Variants in DSCAML1 observed in about 807,000 individuals in gnomAD.
DSCAML1 encodes cell adhesion molecule DSCAML1.
In DSCAML1, 38 loss-of-function variants were observed where a neutral mutation model predicts 200.5. That is an observed-to-expected ratio of 0.19 (90% CI 0.15 to 0.25). The LOEUF is 0.25. Ranked by LOEUF, DSCAML1 falls within the 10% of genes least tolerant of loss-of-function variation. The pLI is 1.00. For missense variants in DSCAML1, 2,223 were observed against 2,858.8 expected (o/e 0.78, Z 5.07); for synonymous variants, 1,215 against 1,165.0 (o/e 1.04, Z -0.87).
chr11:117,493,096 G>C (rs2137251740), intron 11 of DSCAML1, among the ~76,000 whole-genome samples: 1 of 152,282 alleles, frequency 6.6e-6, no homozygotes, highest in East Asian at 1.9e-4. Context: ...AGGGGTAGGG[G>C]TGAGGGTCAC....
rs996608295 is a variant in DSCAML1, at chr11:117,654,726, C to T, written c.511+122065G>A. 2.0e-5 allele frequency among the ~76,000 whole-genome samples: 3 copies of T among 152,166 alleles called. No homozygotes were observed. In the East Asian group the frequency reaches 5.8e-4, roughly 29 times the overall value. On this transcript the variant is annotated intron_variant, in intron 3 of 32. Transcript: ENST00000651296. ...TTGGAAGAGACCTAAGAGATCAATC[C>T]AGAACACAGCTAGGACGGCCTTGTT...
intron 3 of DSCAML1, among the ~76,000 whole-genome samples, chr11:117,706,691 T>C (rs2053763807): frequency 6.6e-6 from 1 of 152,218 alleles, no homozygotes; most frequent in African/African-American, 2.4e-5. Context: ...CGTCTAGCCC[T>C]TCTTCTGCCA....
chr11:117,554,883 G>C (rs900905951), intron 3 of DSCAML1, among the ~76,000 whole-genome samples: 1 of 152,206 alleles, frequency 6.6e-6, no homozygotes, highest in African/African-American at 2.4e-5. Flanking sequence ...CTGTTGTGGA[G>C]GGTTTTCGTT....
rs142909664 is a variant in DSCAML1 at position 117,691,334 on chromosome 11, G to A, written c.511+85457C>T. Among the ~76,000 whole-genome samples, 58 of 152,260 alleles carry A rather than the reference G, an allele frequency of 3.8e-4. No homozygotes were observed. In the East Asian group the frequency reaches 9.9e-3, roughly 26 times the overall value. On this transcript the variant is annotated intron_variant, in intron 3 of 32. Coordinates refer to ENST00000651296, the MANE Select transcript of DSCAML1 (RefSeq NM_020693.4). ...CTTTCTGCCTTTGGGGACCCGCCCA[G>A]TCTGTAAGTGCTACCTAGCCCTCTG...
At chr11:117,590,589 C>T (rs1481064464) in intron 3 of DSCAML1, among the ~76,000 whole-genome samples, 1 of 152,204 alleles carries the variant, frequency 6.6e-6, no homozygotes, top group East Asian at 1.9e-4. Context: ...CATTCCTGCT[C>T]AGAGCCAGGT....
At chr11:117,773,967 C>G (rs901926434) in intron 3 of DSCAML1, among the ~76,000 whole-genome samples, 1 of 152,194 alleles carries the variant, frequency 6.6e-6, no homozygotes, top group South Asian at 2.1e-4. Flanking sequence ...GATAATTATG[C>G]CCTATGGGGC....
Position 117,780,382 on chromosome 11 carries a change from A to G in DSCAML1, c.364+111T>C. 1.0e-6 allele frequency: 1 copy of G among 974,144 alleles called. No homozygotes were observed. The highest frequency in any genetic ancestry group is 1.4e-6 in the Non-Finnish European group (1 of 713,810). 60.3% of individuals were successfully genotyped at this position (974,144 alleles called of 1,614,324 possible). The stretch of plus-strand genomic sequence containing the variant: ...GTACAACAAAGATTCAAAAGAGAAC[A>G]ACAAAACTGTTCTTGAGTGAACGAC... On this transcript the variant is annotated intron_variant, in intron 2 of 32. Transcript: ENST00000651296. The surrounding 1 kb of genome is among the most constrained non-coding windows in gnomAD (Gnocchi z 4.8).
intron 3 of DSCAML1, among the ~76,000 whole-genome samples, chr11:117,626,211 C>G (rs912563035): frequency 9.3e-3 from 269 of 29,050 alleles, no homozygotes; most frequent in Admixed American, 0.029. Flanking sequence ...CCCCCCCCCT[C>G]CTTCTTCTGG....
chr11:117,455,746 G>A (rs2048356955), intron 19 of DSCAML1, among the ~76,000 whole-genome samples: 1 of 152,196 alleles, frequency 6.6e-6, no homozygotes, highest in Admixed American at 6.5e-5. Context: ...CCATACCAGG[G>A]CTGGACTTGG....
chr11:117,447,791 G>C (rs1052771428), intron 20 of DSCAML1, among the ~76,000 whole-genome samples: 1 of 152,166 alleles, frequency 6.6e-6, no homozygotes, highest in Non-Finnish European at 1.5e-5. Context: ...CCAGGCTCAT[G>C]CCACAGTTTT....
chr11:117,492,761 G>C (rs968220725), intron 11 of DSCAML1, among the ~76,000 whole-genome samples: 3 of 152,218 alleles, frequency 2.0e-5, no homozygotes, highest in Non-Finnish European at 4.4e-5. Context: ...AGCCTTCGAC[G>C]GCAGCGGCAT....
At chr11:117,725,930 C>A (rs1235862400) in intron 3 of DSCAML1, among the ~76,000 whole-genome samples, 1 of 152,230 alleles carries the variant, frequency 6.6e-6, no homozygotes, top group East Asian at 1.9e-4. Flanking sequence ...CCCCTGCAGC[C>A]TCTCCAGCTG....
chr11:117,616,082 CAG>C (rs2051805686), intron 3 of DSCAML1, among the ~76,000 whole-genome samples: 3 of 152,182 alleles, frequency 2.0e-5, no homozygotes, highest in Admixed American at 2.0e-4. Flanking sequence ...CTGTAATTGA[CAG>C]AGTCACAAAG....
At chr11:117,541,400 A>T (rs1356348153) in intron 3 of DSCAML1, among the ~76,000 whole-genome samples, 1 of 152,216 alleles carries the variant, frequency 6.6e-6, no homozygotes, top group African/African-American at 2.4e-5. Context: ...CACACAGCAG[A>T]TGCTCAGTGA....
intron 3 of DSCAML1, among the ~76,000 whole-genome samples, chr11:117,718,416 T>C (rs1016277103): frequency 6.6e-6 from 1 of 152,212 alleles, no homozygotes; most frequent in Non-Finnish European, 1.5e-5. Context: ...AGTTCCAGCA[T>C]AGGTGCAGTA....
At chr11:117,786,418 C>T (rs934657615) in intron 1 of DSCAML1, among the ~76,000 whole-genome samples, 4 of 152,204 alleles carry the variant, frequency 2.6e-5, no homozygotes, top group Non-Finnish European at 4.4e-5. Flanking sequence ...AACCAGAAAT[C>T]GCCCCCAGGC....
chr11:117,775,674 C>G (rs572216881), intron 3 of DSCAML1, among the ~76,000 whole-genome samples: 50 of 152,230 alleles, frequency 3.3e-4, no homozygotes, highest in African/African-American at 1.1e-3. Context: ...TCAGAACCAC[C>G]TAGCGAGCAT....
intron 3 of DSCAML1, among the ~76,000 whole-genome samples, chr11:117,593,149 C>T (rs1389190590): frequency 6.6e-6 from 1 of 152,260 alleles, no homozygotes; most frequent in Non-Finnish European, 1.5e-5. Context: ...CCAGCTCCTC[C>T]ATCCCCTGGG....
chr11:117,595,482 C>G (rs1358508941), intron 3 of DSCAML1, among the ~76,000 whole-genome samples: 1 of 152,126 alleles, frequency 6.6e-6, no homozygotes, highest in African/African-American at 2.4e-5. Context: ...CCAATGAGGG[C>G]TTTTATTTTG....
Sources: gnomAD v4.1 joint callset for allele counts (sites outside exome capture counted in the v4.1 genomes callset) on GRCh38, gnomAD v4.1.1 for gene constraint, Gnocchi (gnomAD v3.1) non-coding constraint, MANE v1.5 for transcripts, NCBI Gene and HGNC (gene_info 2026-07-23, HGNC 2026-07-21) for gene names.